Variants in ZNF831 observed in about 807,000 individuals in gnomAD.
ZNF831 encodes the protein chromosome 20 open reading frame 174.
Under a neutral mutation model 95.8 loss-of-function variants are expected in ZNF831, and 59 were observed. The observed-to-expected ratio is 0.62, with a 90% confidence interval of 0.50 to 0.77. The LOEUF is 0.77. Ranked by LOEUF, ZNF831 falls within the 30% of genes least tolerant of loss-of-function variation. The pLI is 0.00. For missense variants in ZNF831, 2,205 were observed against 2,164.0 expected, an observed-to-expected ratio of 1.02 and a Z score of -0.38; for synonymous variants, 961 against 925.5, an observed-to-expected ratio of 1.04 and a Z score of -0.70.
Position 59,253,031 on chromosome 20 carries a change from TGTG to T in ZNF831, c.4083_4085del (p.Cys1361_Gly1362delinsTrp), listed in dbSNP as rs1987977070. The T allele has an allele frequency of 6.2e-7, 1 of 1,613,952 alleles. No individual in the cohort carries two copies. The highest frequency in any genetic ancestry group is 1.3e-5 in the African/African-American group (1 of 74,920). On this transcript the variant is annotated inframe_deletion, in exon 5 of 6. Transcript: ENST00000371030. ...TGCCACCTCAGAATCACCTCCTTGT[TGTG>T]GGAAGGAAGAGAAGAAGGAAGGTGA...
At chr20:59,157,738 A>G (rs961776442) in intron 2 of ZNF831, among the ~76,000 whole-genome samples, 3 of 152,174 alleles carry the variant, frequency 2.0e-5, no homozygotes, top group African/African-American at 4.8e-5. Flanking sequence ...GTTTAAACAT[A>G]TTGTTTTTGT....
chr20:59,166,289 A>C (rs1981257551), intron 1 of ZNF831, among the ~76,000 whole-genome samples: 1 of 152,220 alleles, frequency 6.6e-6, no homozygotes, highest in Admixed American at 6.5e-5. Context: ...GCTGCAGTAA[A>C]TAACATTGAC....
intron 4 of ZNF831, among the ~76,000 whole-genome samples, chr20:59,226,110 C>T (rs1986414235): frequency 6.6e-6 from 1 of 152,104 alleles, no homozygotes; most frequent in Non-Finnish European, 1.5e-5. Context: ...TTCTACTTGG[C>T]CAGGTGGGTG....
At chr20:59,185,498 A>G (rs73309006) in intron 1 of ZNF831, among the ~76,000 whole-genome samples, 22,670 of 151,980 alleles carry the variant, frequency 0.15, 2,003 homozygotes, top group African/African-American at 0.23. Context: ...TGGGGGGCAC[A>G]TGATACTCAG....
chr20:59,135,046 A>C (rs1423175426), intron 1 of ZNF831, among the ~76,000 whole-genome samples: 1 of 151,904 alleles, frequency 6.6e-6, no homozygotes, highest in African/African-American at 2.4e-5. Flanking sequence ...GTCCTCTTTC[A>C]GCCTCTCGGT....
At chr20:59,234,772 A>G (rs965440793) in intron 4 of ZNF831, among the ~76,000 whole-genome samples, 1 of 152,170 alleles carries the variant, frequency 6.6e-6, no homozygotes, top group African/African-American at 2.4e-5. Context: ...TTTTTAATAA[A>G]CTTTTAATTT....
rs2146594973 is a variant in ZNF831 at position 59,194,153 on chromosome 20, C to T, written c.3134C>T (p.Pro1045Leu). The stretch of plus-strand genomic sequence containing the variant: ...GCCAGGGAGTTGCCCATCTCAGCAC[C>T]AGGGGCTCCCAGGGAGGCTACCTCC... ...PAARELPISA[P>L]GAPREATSSP... The change falls in exon 2 of 6, where the codon CCA becomes CTA. Residue 1045 changes from proline (P) to leucine (L), a missense_variant. Physicochemically the swap from Pro to Leu is moderately conservative, Grantham distance 98. Coordinates refer to ENST00000371030, the MANE Select transcript of ZNF831 (RefSeq NM_178457.3). 3.2e-6 allele frequency: 5 copies of T among 1,576,936 alleles called. No individual in the cohort carries two copies. Among genetic ancestry groups the T allele is most frequent in the Non-Finnish European group, 4.3e-6 (5 of 1,160,288 alleles).
intron 3 of ZNF831, among the ~76,000 whole-genome samples, chr20:59,203,684 C>A (rs940213433): frequency 6.6e-6 from 1 of 152,064 alleles, no homozygotes; most frequent in Non-Finnish European, 1.5e-5. Flanking sequence ...TTTTTCAGGG[C>A]CTTTCATTCT....
chr20:59,130,723 G>A (rs1212780112), intron 1 of ZNF831, among the ~76,000 whole-genome samples: 1 of 152,248 alleles, frequency 6.6e-6, no homozygotes, highest in East Asian at 1.9e-4. Flanking sequence ...ACTCACCCTG[G>A]GTATGGACAC....
chr20:59,199,280 T>C (rs1322473990), intron 3 of ZNF831, among the ~76,000 whole-genome samples: 1 of 152,104 alleles, frequency 6.6e-6, no homozygotes, highest in Non-Finnish European at 1.5e-5. Flanking sequence ...CAGAGAATGA[T>C]ACAGTTCTCT....
intron 4 of ZNF831, among the ~76,000 whole-genome samples, chr20:59,228,182 C>T (rs576449983): frequency 1.1e-4 from 16 of 152,264 alleles, no homozygotes; most frequent in Admixed American, 2.6e-4. Context: ...TAGCAAACCA[C>T]GCTAAAACTC....
chr20:59,184,660 T>G (rs1982872142), intron 1 of ZNF831, among the ~76,000 whole-genome samples: 1 of 152,200 alleles, frequency 6.6e-6, no homozygotes, highest in South Asian at 2.1e-4. Flanking sequence ...AACTTGTAAC[T>G]ACACCAGCCA....
At chr20:59,137,255 G>A (rs1368764993) in intron 1 of ZNF831, among the ~76,000 whole-genome samples, 1 of 148,486 alleles carries the variant, frequency 6.7e-6, no homozygotes, top group Non-Finnish European at 1.5e-5. Flanking sequence ...GCACTAATAT[G>A]CCTTTAATAT....
intron 1 of ZNF831, 112 bp from the exon 2 acceptor site, chr20:59,190,872 G>A: frequency 1.1e-6 from 1 of 922,540 alleles, no homozygotes; most frequent in Non-Finnish European, 1.5e-6. Context: ...CATTCCTTAG[G>A]GGATTGTCAG....
rs201919992 is a variant in ZNF831 at position 59,194,021 on chromosome 20, C to T, written c.3002C>T (p.Ala1001Val). ...GCCTCAGGCCCCTCCCCAGGTGAGG[C>T]GGACAGCATCCTGGAGGACCCCAGC... Reference protein sequence around the residue: ...SPASGPSPGEADSILEDPSCS... With the variant: ...SPASGPSPGEVDSILEDPSCS... The change falls in exon 2 of 6, where the codon GCG becomes GTG. Residue 1001 changes from alanine to valine, a missense_variant. By Grantham distance (64) the Ala-to-Val change is moderately conservative. Coordinates refer to ENST00000371030, the MANE Select transcript of ZNF831 (RefSeq NM_178457.3). The T allele has an allele frequency of 2.4e-4, 368 of 1,527,056 alleles. 1 individual carries two copies. The African/African-American group carries it at 3.2e-3, about 13-fold the overall frequency. The allele number at this position is 1,527,056 out of a possible 1,614,324, so 94.6% of individuals were successfully genotyped here.
rs368412768 is a variant in ZNF831, at chr20:59,184,013, C to G, written c.-36-6971C>G. 9.2e-5 allele frequency among the ~76,000 whole-genome samples: 14 copies of G among 152,148 alleles called. No homozygotes were observed. In the East Asian group the frequency reaches 2.7e-3, roughly 29 times the overall value. On this transcript the variant is annotated intron_variant, in intron 1 of 5. Transcript: ENST00000371030. ...TACAGGATCAGAACAATCCCTTTCA[C>G]TCCACCCACCTCTTCATCCCCTCCT...
At chr20:59,155,970 G>C (rs527404174) in intron 2 of ZNF831, among the ~76,000 whole-genome samples, 1 of 152,246 alleles carries the variant, frequency 6.6e-6, no homozygotes, top group South Asian at 2.1e-4. Context: ...AGAGGAAGAA[G>C]TAGGGTCCAC....
At chr20:59,211,855 C>T (rs1368330876) in intron 4 of ZNF831, among the ~76,000 whole-genome samples, 1 of 151,514 alleles carries the variant, frequency 6.6e-6, no homozygotes, top group Non-Finnish European at 1.5e-5. Context: ...GGAGAGATGA[C>T]CTGTTTTCCA....
intron 5 of ZNF831, 29 bp from the exon 6 acceptor site, chr20:59,253,869 C>CCCGGGGGG: frequency 9.4e-7 from 1 of 1,067,576 alleles, no homozygotes; most frequent in Non-Finnish European, 1.2e-6. Context: ...TCCCCCCCCA[C>CCCGGGGGG]TTTTTTTTTC....
Sources: allele counts gnomAD v4.1 joint callset (sites outside exome capture counted in the v4.1 genomes callset), GRCh38; gene constraint gnomAD v4.1.1; transcripts MANE v1.5; gene names NCBI Gene and HGNC (gene_info 2026-07-23, HGNC 2026-07-21).